Variants in SPSB4 observed in about 807,000 individuals in gnomAD.
SPSB4 encodes splA/ryanodine receptor domain and SOCS box containing 4.
In SPSB4, 21 loss-of-function variants were observed where a neutral mutation model predicts 20.9. That is an observed-to-expected ratio of 1.01 (90% CI 0.71 to 1.45). SPSB4 has a LOEUF of 1.45. SPSB4 is among the 40% of genes most tolerant of loss of function. The pLI, the probability that SPSB4 is intolerant of heterozygous loss-of-function variation, is 0.00. For missense variants in SPSB4, 399 were observed against 399.2 expected, an observed-to-expected ratio of 1.00 and a Z score of 0.00; for synonymous variants, 207 against 183.8, an observed-to-expected ratio of 1.13 and a Z score of -1.02.
chr3:141,143,798 A>C (rs1390229411), intron 2 of SPSB4, among the ~76,000 whole-genome samples: 2 of 152,222 alleles, frequency 1.3e-5, no homozygotes, highest in African/African-American at 4.8e-5. Context: ...TTCCTGTTTC[A>C]CAGAATTTGC....
intron 1 of SPSB4, among the ~76,000 whole-genome samples, chr3:141,056,638 C>T (rs546019045): frequency 9.2e-5 from 14 of 152,364 alleles, no homozygotes; most frequent in Admixed American, 1.3e-4. Flanking sequence ...AGGGATTGGA[C>T]GCAAACCTTA....
chr3:141,071,225 G>A (rs772633151), intron 2 of SPSB4, among the ~76,000 whole-genome samples: 2 of 152,240 alleles, frequency 1.3e-5, no homozygotes, highest in Admixed American at 6.5e-5. Flanking sequence ...GCTCTGGGCT[G>A]CTTTCTGGAA....
At chr3:141,126,213 T>C (rs1939048923) in intron 2 of SPSB4, among the ~76,000 whole-genome samples, 1 of 151,530 alleles carries the variant, frequency 6.6e-6, no homozygotes, top group Non-Finnish European at 1.5e-5. Flanking sequence ...TCCCAAGGGG[T>C]TAATGGAAGA....
intron 2 of SPSB4, among the ~76,000 whole-genome samples, chr3:141,104,134 G>C (rs1443348656): frequency 6.6e-6 from 1 of 152,184 alleles, no homozygotes; most frequent in Non-Finnish European, 1.5e-5. Flanking sequence ...CTAGTGAGGG[G>C]TACAGACAAG....
intron 2 of SPSB4, among the ~76,000 whole-genome samples, chr3:141,082,272 G>GA (rs1938246861): frequency 6.6e-6 from 1 of 152,224 alleles, no homozygotes; most frequent in Non-Finnish European, 1.5e-5. Context: ...GGTCTCCCAG[G>GA]GAGTGCGCCT....
chr3:141,080,949 T>C (rs1197159983), intron 2 of SPSB4, among the ~76,000 whole-genome samples: 1 of 152,224 alleles, frequency 6.6e-6, no homozygotes, highest in Non-Finnish European at 1.5e-5. Flanking sequence ...GGGCTCCAGC[T>C]TGCCCACTTG....
chr3:141,128,851 T>C (rs891943880), intron 2 of SPSB4, among the ~76,000 whole-genome samples: 2 of 152,156 alleles, frequency 1.3e-5, no homozygotes, highest in African/African-American at 4.8e-5. Context: ...ATTGTTCCAT[T>C]CTACCTTCCT....
At chr3:141,067,140 A>T (rs1334428204) in intron 2 of SPSB4, among the ~76,000 whole-genome samples, 1 of 152,208 alleles carries the variant, frequency 6.6e-6, no homozygotes, top group Non-Finnish European at 1.5e-5. Flanking sequence ...GTTGATGCCA[A>T]TTACCAATCT....
At chr3:141,133,941 T>A (rs1220453200) in intron 2 of SPSB4, among the ~76,000 whole-genome samples, 2 of 152,018 alleles carry the variant, frequency 1.3e-5, no homozygotes, top group African/African-American at 2.4e-5. Context: ...ATCTATGAAT[T>A]CTTTCAGCAA....
At position 141,147,516 on chromosome 3, in the gene SPSB4, G is replaced by A; in HGVS notation, c.*247G>A. On this transcript the variant is annotated 3_prime_UTR_variant, in exon 3 of 3. Transcript: ENST00000310546. ...CCTCCTTCGGAGCCACAGAGAGCCT[G>A]GAGTCTGCACCTCCTGGAAATCCTG... is the stretch of plus-strand genomic sequence containing the variant. The A allele has an allele frequency of 1.9e-6, 1 of 521,086 alleles. No individual in the cohort carries two copies. Among genetic ancestry groups the A allele is most frequent in the Non-Finnish European group, 3.4e-6 (1 of 297,670 alleles). 32.3% of individuals were successfully genotyped at this position (521,086 alleles called of 1,614,324 possible).
At chr3:141,118,371 T>C (rs150906770) in intron 2 of SPSB4, among the ~76,000 whole-genome samples, 67 of 152,334 alleles carry the variant, frequency 4.4e-4, no homozygotes, top group African/African-American at 1.6e-3. Context: ...TTTAAGTTCT[T>C]TGTAGATTCT....
chr3:141,123,666 C>G (rs184165495), intron 2 of SPSB4, among the ~76,000 whole-genome samples: 1 of 152,234 alleles, frequency 6.6e-6, no homozygotes, highest in African/African-American at 2.4e-5. Flanking sequence ...TGCAAGCACC[C>G]TTCTGCTTCC....
chr3:141,146,773 A>G (rs1440546323), intron 2 of SPSB4, among the ~76,000 whole-genome samples: 1 of 108,256 alleles, frequency 9.2e-6, no homozygotes, highest in Non-Finnish European at 2.1e-5. Context: ...GACTCCATCT[A>G]AAAAAAAAAA....
chr3:141,131,098 C>A (rs1939122935), intron 2 of SPSB4, among the ~76,000 whole-genome samples: 1 of 152,050 alleles, frequency 6.6e-6, no homozygotes, highest in South Asian at 2.1e-4. Context: ...AGAGAGAACA[C>A]CTTTAAGGCA....
chr3:141,094,505 C>T (rs1242539442), intron 2 of SPSB4, among the ~76,000 whole-genome samples: 1 of 152,130 alleles, frequency 6.6e-6, no homozygotes, highest in Non-Finnish European at 1.5e-5. Flanking sequence ...CACTCTTGTG[C>T]CCTGAACTCG....
At chr3:141,087,727 T>G (rs1938372086) in intron 2 of SPSB4, among the ~76,000 whole-genome samples, 1 of 152,128 alleles carries the variant, frequency 6.6e-6, no homozygotes, top group Non-Finnish European at 1.5e-5. Flanking sequence ...CACAGAGTCC[T>G]GCATTCCCCA....
chr3:141,069,611 C>G (rs537915809), intron 2 of SPSB4, among the ~76,000 whole-genome samples: 8 of 152,126 alleles, frequency 5.3e-5, no homozygotes, highest in African/African-American at 1.9e-4. Context: ...GAACTCTGCC[C>G]GGGGCACCTC....
intron 2 of SPSB4, among the ~76,000 whole-genome samples, chr3:141,110,483 A>C (rs1250065981): frequency 2.6e-5 from 4 of 152,216 alleles, no homozygotes; most frequent in Non-Finnish European, 5.9e-5. Flanking sequence ...ATAGAGAAGG[A>C]AACTATACCA....
chr3:141,105,775 C>A (rs1430366298), intron 2 of SPSB4, among the ~76,000 whole-genome samples: 1 of 152,124 alleles, frequency 6.6e-6, no homozygotes, highest in African/African-American at 2.4e-5. Context: ...TTTTCTTTGC[C>A]TTCAAAGTTA....
Sources: allele counts gnomAD v4.1 joint callset (sites outside exome capture counted in the v4.1 genomes callset), GRCh38; gene constraint gnomAD v4.1.1; transcripts MANE v1.5; gene names NCBI Gene and HGNC (gene_info 2026-07-23, HGNC 2026-07-21).